OR7C1: variants seen among roughly 807,000 people sequenced by gnomAD.
OR7C1 encodes olfactory receptor family 7 subfamily C member 1, also known as olfactory receptor 7C1.
For missense variants in OR7C1, 324 were observed against 383.3 expected (o/e 0.85, Z 1.29); for synonymous variants, 152 against 160.7 (o/e 0.95, Z 0.41).
chr19:14,828,627 C>T (rs978964078), intron 1 of OR7C1, among the ~76,000 whole-genome samples: 12 of 151,908 alleles, frequency 7.9e-5, no homozygotes, highest in Admixed American at 6.6e-4. Context: ...GGTGTAGTGG[C>T]ATGCGCCTGT....
At chr19:14,831,320 AT>A (rs1362998667) in intron 1 of OR7C1, among the ~76,000 whole-genome samples, 1 of 151,898 alleles carries the variant, frequency 6.6e-6, no homozygotes, top group African/African-American at 2.4e-5. Flanking sequence ...TAAAAGACTC[AT>A]TTTTTTCTGT....
At chr19:14,799,305 A>G in exon 5 of OR7C1, 1 of 1,614,154 alleles carries the variant, frequency 6.2e-7, no homozygotes, top group Non-Finnish European at 8.5e-7. Flanking sequence ...ACCATGGTGT[A>G]CATCACTGAG....
At chr19:14,820,401 G>A (rs2044735246) in intron 1 of OR7C1, among the ~76,000 whole-genome samples, 1 of 151,044 alleles carries the variant, frequency 6.6e-6, no homozygotes, top group Non-Finnish European at 1.5e-5. Flanking sequence ...CCTGTTGGGG[G>A]GTCGGGGGCA....
At chr19:14,817,013 A>G (rs2044719275) in intron 1 of OR7C1, among the ~76,000 whole-genome samples, 1 of 152,192 alleles carries the variant, frequency 6.6e-6, no homozygotes, top group African/African-American at 2.4e-5. Flanking sequence ...GTGCCTAATG[A>G]GCAGATACAG....
intron 1 of OR7C1, among the ~76,000 whole-genome samples, chr19:14,810,862 A>G (rs1365226348): frequency 6.6e-6 from 1 of 151,550 alleles, no homozygotes; most frequent in Non-Finnish European, 1.5e-5. Flanking sequence ...CGGTTTCTTC[A>G]TCTGGGCTAA....
intron 1 of OR7C1, among the ~76,000 whole-genome samples, chr19:14,811,353 G>A (rs2063773542): frequency 6.6e-6 from 1 of 151,824 alleles, no homozygotes; most frequent in Non-Finnish European, 1.5e-5. Flanking sequence ...TGACCTTGCA[G>A]CTGCGTCATT....
At chr19:14,809,706 T>A (rs967581575) in intron 2 of OR7C1, 100 bp downstream of exon 2, 2 of 152,132 alleles carry the variant, frequency 1.3e-5, no homozygotes, top group African/African-American at 4.8e-5. Flanking sequence ...GGACTTTGAA[T>A]CAATCCTCTT....
At chr19:14,810,319 G>C (rs576180604) in intron 1 of OR7C1, among the ~76,000 whole-genome samples, 4 of 151,812 alleles carry the variant, frequency 2.6e-5, no homozygotes, top group African/African-American at 9.7e-5. Context: ...TCGGTTTCCA[G>C]TGTTAGACTT....
At chr19:14,813,560 A>T (rs1377765101) in intron 1 of OR7C1, among the ~76,000 whole-genome samples, 4 of 152,270 alleles carry the variant, frequency 2.6e-5, no homozygotes, top group Non-Finnish European at 5.9e-5. Context: ...GTATCAAAAA[A>T]AAGATACTAC....
chr19:14,820,767 G>T (rs1432807017), intron 1 of OR7C1, among the ~76,000 whole-genome samples: 5 of 152,182 alleles, frequency 3.3e-5, no homozygotes, highest in Non-Finnish European at 1.5e-5. Flanking sequence ...GATTGTCGTG[G>T]CAGGGGCAGG....
chr19:14,799,022 G>A (rs910698642), exon 5 of OR7C1: 18 of 902,716 alleles, frequency 2.0e-5, no homozygotes, highest in Non-Finnish European at 2.8e-5. Context: ...GGACTCTGTG[G>A]CCCTCCCTAT....
chr19:14,805,347 A>G (rs1410541467), intron 2 of OR7C1, among the ~76,000 whole-genome samples: 1 of 150,174 alleles, frequency 6.7e-6, no homozygotes, highest in African/African-American at 2.5e-5. Flanking sequence ...CCATCCCTGG[A>G]GCATCTTCAT....
At chr19:14,807,848 A>G (rs1009772892) in intron 2 of OR7C1, among the ~76,000 whole-genome samples, 1 of 151,454 alleles carries the variant, frequency 6.6e-6, no homozygotes, top group African/African-American at 2.4e-5. Flanking sequence ...GTGAGCCGAG[A>G]TTGTGCCACT....
intron 1 of OR7C1, among the ~76,000 whole-genome samples, chr19:14,819,596 G>A (rs956788546): frequency 3.9e-5 from 6 of 152,140 alleles, no homozygotes; most frequent in Middle Eastern, 3.4e-3. Flanking sequence ...TTGATTCCAC[G>A]TTTCCAATTA....
At chr19:14,832,208 C>T (rs993636779) in intron 1 of OR7C1, among the ~76,000 whole-genome samples, 2 of 152,220 alleles carry the variant, frequency 1.3e-5, no homozygotes, top group South Asian at 4.1e-4. Context: ...CCTCGCTTGG[C>T]CTGACAATTC....
intron 2 of OR7C1, among the ~76,000 whole-genome samples, chr19:14,807,005 T>C (rs1304868963): frequency 6.6e-6 from 1 of 152,008 alleles, no homozygotes; most frequent in African/African-American, 2.4e-5. Flanking sequence ...CCACCAACAG[T>C]GTAAAAACAT....
At position 14,807,903 on chromosome 19, in the gene OR7C1, A is replaced by C. The variant is rs865892452; in HGVS notation, c.-435+1903T>G. Among the ~76,000 whole-genome samples, 12 of 151,828 alleles carry C rather than the reference A, an allele frequency of 7.9e-5. 1 individual carries two copies. The highest frequency in any genetic ancestry group is 2.2e-4 in the African/African-American group (9 of 41,214). Reference sequence around the variant, plus strand: ...AGAGCGAGACTCAGTCTCAAAAAAAAAAACAAACAAACAGTCTTTAGAAGC... The same window carrying C: ...AGAGCGAGACTCAGTCTCAAAAAAACAAACAAACAAACAGTCTTTAGAAGC... On this transcript the variant is annotated intron_variant, in intron 2 of 4. Transcript: ENST00000641666.
At chr19:14,830,036 C>T (rs1254137695) in intron 1 of OR7C1, among the ~76,000 whole-genome samples, 1 of 152,148 alleles carries the variant, frequency 6.6e-6, no homozygotes, top group Non-Finnish European at 1.5e-5. Context: ...CTGATTTCTA[C>T]ATTTTTTGTG....
chr19:14,812,854 A>G (rs2044697812), intron 1 of OR7C1, among the ~76,000 whole-genome samples: 1 of 151,766 alleles, frequency 6.6e-6, no homozygotes, highest in South Asian at 2.1e-4. Flanking sequence ...ACTTGAGGTC[A>G]GGAGTTCAAG....
Sources: allele counts gnomAD v4.1 joint callset (sites outside exome capture counted in the v4.1 genomes callset), GRCh38; gene constraint gnomAD v4.1.1; transcripts MANE v1.5; gene names NCBI Gene and HGNC (gene_info 2026-07-23, HGNC 2026-07-21).